The following CERS4 variants were observed in gnomAD, a reference collection of about 807,000 sequenced individuals.
The protein encoded by CERS4 is ceramide synthase 4.
In CERS4, 65 loss-of-function variants were observed where a neutral mutation model predicts 51.8. The observed-to-expected ratio is 1.26, with a 90% CI of 1.03 to 1.54. CERS4 has a LOEUF of 1.54. CERS4 is among the 40% of genes most tolerant of loss of function. The pLI is 0.00. For missense variants in CERS4, 563 were observed against 500.4 expected, an observed-to-expected ratio of 1.13 and a Z score of -1.19; for synonymous variants, 228 against 208.4, an observed-to-expected ratio of 1.09 and a Z score of -0.81.
chr19:8,243,165 G>T (rs111543335), intron 2 of CERS4, among the ~76,000 whole-genome samples: 1,710 of 123,682 alleles, frequency 0.014, 40 homozygotes, highest in African/African-American at 0.051. Flanking sequence ...GTGCACTCCA[G>T]TCTGGGTGAC....
chr19:8,259,941 C>T (rs2967629), intron 10 of CERS4, among the ~76,000 whole-genome samples: 50,232 of 151,646 alleles, frequency 0.33, 8,590 homozygotes, highest in African/African-American at 0.42. Flanking sequence ...TTACATCCCT[C>T]CTCTGGCTGC....
chr19:8,237,002 CAAAAAAA>C (rs781273995), intron 2 of CERS4, among the ~76,000 whole-genome samples: 13 of 44,966 alleles, frequency 2.9e-4, no homozygotes, highest in South Asian at 1.7e-3. Context: ...GACTCTGTCT[CAAAAAAA>C]AAAAAAAAAA....
intron 2 of CERS4, among the ~76,000 whole-genome samples, chr19:8,227,467 TG>T (rs1967835382): frequency 6.6e-6 from 1 of 151,928 alleles, no homozygotes; most frequent in Non-Finnish European, 1.5e-5. Context: ...TCCAAGTATC[TG>T]GGACTTACTT....
At chr19:8,258,464 T>C (rs1019193435) in intron 10 of CERS4, among the ~76,000 whole-genome samples, 1 of 152,064 alleles carries the variant, frequency 6.6e-6, no homozygotes, top group African/African-American at 2.4e-5. Context: ...ATCCCAGCAC[T>C]TTGGGAGGCT....
intron 2 of CERS4, among the ~76,000 whole-genome samples, chr19:8,213,508 A>G (rs143768480): frequency 3.8e-4 from 57 of 151,918 alleles, no homozygotes; most frequent in African/African-American, 1.3e-3. Flanking sequence ...GGGTCTTACT[A>G]TGTTGCCCGG....
intron 2 of CERS4, among the ~76,000 whole-genome samples, chr19:8,242,739 G>C (rs1475869154): frequency 6.6e-6 from 1 of 152,192 alleles, no homozygotes; most frequent in Non-Finnish European, 1.5e-5. Context: ...ATTCTAGGCA[G>C]AGGCCAGTAT....
chr19:8,261,945 C>T lies in CERS4; in HGVS notation c.1021C>T (p.Arg341Cys), dbSNP rs1394347324. 5 of 1,608,030 alleles carry T rather than the reference C, an allele frequency of 3.1e-6. No individual in the cohort carries two copies. Among genetic ancestry groups the T allele is most frequent in the Middle Eastern group, 1.7e-4 (1 of 6,058 alleles). The change falls in exon 12 of 12, where the codon CGT becomes TGT. Residue 341 changes from arginine (R) to cysteine (C), a missense_variant. Coordinates refer to ENST00000251363, the MANE Select transcript of CERS4 (RefSeq NM_024552.3). ...MKKGQMEKDI[R>C]SDVEESDSSE... is the part of the protein sequence containing the mutation. ...TGTTCCCCAGATGGAGAAGGACATT[C>T]GTAGTGATGTAGAAGAATCAGACTC...
intron 2 of CERS4, among the ~76,000 whole-genome samples, chr19:8,241,936 G>A (rs976504113): frequency 2.6e-5 from 4 of 152,168 alleles, no homozygotes; most frequent in Non-Finnish European, 5.9e-5. Context: ...AAAGAGAAAA[G>A]CTAGAAATTG....
At position 8,210,151 on chromosome 19, in the gene CERS4, T is replaced by G. The variant is rs1488437160; in HGVS notation, c.-158-555T>G. On this transcript the variant is annotated intron_variant, in intron 1 of 11. Coordinates refer to ENST00000251363, the MANE Select transcript of CERS4 (RefSeq NM_024552.3). The surrounding 1 kb of genome is among the most constrained non-coding windows in gnomAD (Gnocchi z 4.2). ...AGCGGCGAGGAGAGTGTGGAACCCG[T>G]TCTCGGGGCGGTGGGGACCAGGGAG... 1.3e-5 allele frequency among the ~76,000 whole-genome samples: 2 copies of G among 151,914 alleles called. No individual in the cohort carries two copies. Among genetic ancestry groups the G allele is most frequent in the Admixed American group, 6.6e-5 (1 of 15,244 alleles).
At chr19:8,211,890 CAA>C (rs57231018) in intron 2 of CERS4, among the ~76,000 whole-genome samples, 2,275 of 75,452 alleles carry the variant, frequency 0.03, 66 homozygotes, top group East Asian at 0.21. Context: ...AGACTATCTC[CAA>C]AAAAAAAAAA....
At chr19:8,257,291 G>C (rs1431970118) in intron 9 of CERS4, 1 of 554,492 alleles carries the variant, frequency 1.8e-6, no homozygotes, top group Non-Finnish European at 3.1e-6. Context: ...CACCCTTCTT[G>C]GCTTCCTTGG....
chr19:8,256,178 C>T, intron 6 of CERS4, 58 bp from the exon 7 acceptor site: 1 of 1,550,358 alleles, frequency 6.5e-7, no homozygotes, highest in Non-Finnish European at 8.8e-7. Flanking sequence ...AGACCGCAGA[C>T]CCAGGGTGGG....
chr19:8,253,121 T>C (rs1568532084), intron 3 of CERS4, among the ~76,000 whole-genome samples: 1 of 152,244 alleles, frequency 6.6e-6, no homozygotes, highest in East Asian at 1.9e-4. Context: ...GGCAGGATGT[T>C]AGGAGGGATG....
At chr19:8,235,391 G>A (rs138460756) in intron 2 of CERS4, among the ~76,000 whole-genome samples, 2,153 of 151,038 alleles carry the variant, frequency 0.014, 43 homozygotes, top group African/African-American at 0.049. Flanking sequence ...GCCTTCCAAT[G>A]TGCTGGGATT....
chr19:8,237,864 A>C (rs990035737), intron 2 of CERS4, among the ~76,000 whole-genome samples: 1 of 152,158 alleles, frequency 6.6e-6, no homozygotes, highest in Non-Finnish European at 1.5e-5. Context: ...ACAAAACAAA[A>C]AAAAGTGTTG....
Position 8,230,413 on chromosome 19 carries a change from C to T in CERS4, c.-2+19551C>T, listed in dbSNP as rs966918743. The stretch of plus-strand genomic sequence containing the variant: ...TCATGTTGGCCAGGCTGGTTTCAAA[C>T]TCCTGGACCCAAGTGATCCGCCCAA... On this transcript the variant is annotated intron_variant, in intron 2 of 11. Transcript: ENST00000251363. Among the ~76,000 whole-genome samples the T allele has an allele frequency of 1.1e-4, 17 of 152,044 alleles. No homozygotes were observed. The East Asian group carries it at 3.3e-3, about 29-fold the overall frequency.
intron 2 of CERS4, among the ~76,000 whole-genome samples, chr19:8,213,688 C>A (rs1412146823): frequency 6.6e-6 from 1 of 151,114 alleles, no homozygotes; most frequent in Admixed American, 6.6e-5. Context: ...TAGAGAGGCC[C>A]GGCGCGGTGG....
intron 2 of CERS4, among the ~76,000 whole-genome samples, chr19:8,231,396 C>T (rs946148904): frequency 2.0e-5 from 3 of 152,086 alleles, no homozygotes; most frequent in Non-Finnish European, 2.9e-5. Context: ...GTCTGTTTCT[C>T]CTGTGGTGGG....
In CERS4 at chr19:8,245,122, A is replaced by AAAAACAAAAAAAAAC. The variant is rs1555777239; in HGVS notation, c.-1-5950_-1-5949insCAAAAAAAAACAAAA. Among the ~76,000 whole-genome samples the AAAAACAAAAAAAAAC allele has an allele frequency of 6.8e-4, 88 of 129,262 alleles. 1 individual carries two copies. Among genetic ancestry groups the AAAAACAAAAAAAAAC allele is most frequent in the South Asian group, 9.6e-4 (4 of 4,164 alleles). The allele number at this position is 129,262 out of a possible 152,430, so 84.8% of individuals were successfully genotyped here. ...GCGAGACTCCATCTCAAAAAAAAAA[A>AAAAACAAAAAAAAAC]AAAAAAAAAAAAACACTCTTGGCTT... On this transcript the variant is annotated intron_variant, in intron 2 of 11. Coordinates refer to ENST00000251363, the MANE Select transcript of CERS4 (RefSeq NM_024552.3).
Sources: allele counts gnomAD v4.1 joint callset (sites outside exome capture counted in the v4.1 genomes callset), GRCh38; gene constraint gnomAD v4.1.1; non-coding constraint Gnocchi (gnomAD v3.1); transcripts MANE v1.5; gene names NCBI Gene and HGNC (gene_info 2026-07-23, HGNC 2026-07-21).